The following MPP7 variants were observed in gnomAD, a reference collection of about 807,000 sequenced individuals.
MPP7 encodes the protein MAGUK p55 scaffold protein 7.
A neutral mutation model predicts 76.5 loss-of-function variants in MPP7; 60 were observed. That is an observed-to-expected ratio of 0.78 (90% CI 0.64 to 0.97). The LOEUF is 0.97. Ranked by LOEUF, MPP7 falls within the 50% of genes least tolerant of loss-of-function variation. MPP7 has a pLI of 0.00. For missense variants in MPP7, 641 were observed against 694.0 expected (o/e 0.92, Z 0.86); for synonymous variants, 237 against 244.5 (o/e 0.97, Z 0.29).
chr10:28,054,282 A>G (rs1851466799), intron 16 of MPP7, 38 bp from the exon 17 acceptor site: 1 of 1,255,164 alleles, frequency 8.0e-7, no homozygotes, highest in Non-Finnish European at 1.1e-6. Context: ...TTGGTTAACC[A>G]GGCCATTACC....
chr10:28,315,281 G>C (rs1311182063), intron 2 of MPP7, among the ~76,000 whole-genome samples: 1 of 147,272 alleles, frequency 6.8e-6, no homozygotes, highest in African/African-American at 2.5e-5. Flanking sequence ...AAAGAAGGAG[G>C]GGGGAGGGAG....
intron 11 of MPP7, among the ~76,000 whole-genome samples, chr10:28,117,818 T>C (rs970242032): frequency 9.2e-5 from 14 of 152,134 alleles, no homozygotes; most frequent in African/African-American, 3.1e-4. Flanking sequence ...ATCTGTTATA[T>C]GTTTATGATT....
intron 2 of MPP7, among the ~76,000 whole-genome samples, chr10:28,228,372 G>A (rs1215066794): frequency 6.6e-6 from 1 of 152,154 alleles, no homozygotes; most frequent in Non-Finnish European, 1.5e-5. Context: ...AAAGGATCAT[G>A]ATTTTGGTAC....
At chr10:28,188,978 CAGAG>C (rs148203512) in intron 3 of MPP7, among the ~76,000 whole-genome samples, 4,033 of 149,390 alleles carry the variant, frequency 0.027, 74 homozygotes, top group Middle Eastern at 0.057. Flanking sequence ...GGAAGTTTGT[CAGAG>C]AGAAAGAAAA....
intron 11 of MPP7, among the ~76,000 whole-genome samples, chr10:28,117,872 A>T (rs1423841603): frequency 2.0e-5 from 3 of 152,116 alleles, no homozygotes; most frequent in Non-Finnish European, 2.9e-5. Context: ...AATAAATAAC[A>T]TATATAAAAA....
rs181895853 is a variant in MPP7, at chr10:28,313,627, G to A, written c.-132+16302C>T. ...ATTGACTAAAGAGGTTAATATCCCC[G>A]CAGAGAAGAACGATTTATGAAATTT... On this transcript the variant is annotated intron_variant, in intron 2 of 11. Transcript: ENST00000441595. Among the ~76,000 whole-genome samples, 86 of 152,224 alleles carry A rather than the reference G, an allele frequency of 5.6e-4. No homozygotes were observed. The East Asian group carries it at 9.6e-3, about 17-fold the overall frequency.
At chr10:28,070,876 A>G (rs527580288) in intron 12 of MPP7, among the ~76,000 whole-genome samples, 10 of 152,278 alleles carry the variant, frequency 6.6e-5, no homozygotes, top group South Asian at 6.2e-4. Flanking sequence ...TTAGACAGGC[A>G]TAAGTCCCCC....
intron 4 of MPP7, among the ~76,000 whole-genome samples, chr10:28,149,513 C>T (rs113914422): frequency 0.023 from 3,521 of 152,296 alleles, 114 homozygotes; most frequent in African/African-American, 0.077. Flanking sequence ...TAAATCATTA[C>T]TATGTTTTAT....
At chr10:28,157,249 A>C (rs1836096711) in intron 3 of MPP7, among the ~76,000 whole-genome samples, 1 of 152,108 alleles carries the variant, frequency 6.6e-6, no homozygotes, top group Non-Finnish European at 1.5e-5. Flanking sequence ...AAAGAAAAAG[A>C]GTAACCGTCA....
chr10:28,281,373 G>A (rs1009740777), intron 1 of MPP7, among the ~76,000 whole-genome samples: 1 of 152,070 alleles, frequency 6.6e-6, no homozygotes, highest in Admixed American at 6.6e-5. Context: ...ACAGGCGTGA[G>A]CCACTGCACC....
At position 28,326,750 on chromosome 10, in the gene MPP7, A is replaced by G. The variant is rs553403443; in HGVS notation, c.-132+3179T>C. 5.9e-5 allele frequency among the ~76,000 whole-genome samples: 9 copies of G among 152,348 alleles called. No homozygotes were observed. The East Asian group carries it at 1.7e-3, about 29-fold the overall frequency. On this transcript the variant is annotated intron_variant, in intron 2 of 11. Coordinates refer to the MPP7 transcript ENST00000441595. The stretch of plus-strand genomic sequence containing the variant: ...AACATTCACCTGGCACAACGCTCTC[A>G]ACAGCAAAGCCAAGTGGCAGAAAGT...
chr10:28,199,049 G>A (rs927954293), intron 3 of MPP7, among the ~76,000 whole-genome samples: 3 of 152,118 alleles, frequency 2.0e-5, no homozygotes, highest in Non-Finnish European at 2.9e-5. Context: ...TGGCAGAGGC[G>A]AAAGGCACAT....
chr10:28,092,771 G>C (rs1853380254), intron 11 of MPP7, among the ~76,000 whole-genome samples: 1 of 128,762 alleles, frequency 7.8e-6, no homozygotes, highest in Non-Finnish European at 1.6e-5. Context: ...GAAGAGATAA[G>C]GTTTCGCCAT....
At chr10:28,202,594 T>C (rs1837815240) in intron 2 of MPP7, among the ~76,000 whole-genome samples, 1 of 152,192 alleles carries the variant, frequency 6.6e-6, no homozygotes, top group Non-Finnish European at 1.5e-5. Context: ...TCCTTAATCA[T>C]TATTACATTT....
intron 3 of MPP7, among the ~76,000 whole-genome samples, chr10:28,162,910 G>T (rs1364850938): frequency 6.6e-6 from 1 of 150,714 alleles, no homozygotes; most frequent in Non-Finnish European, 1.5e-5. Flanking sequence ...TTCCATTTTT[G>T]AATCTCCTTC....
chr10:28,135,452 T>C (rs1835325152), intron 5 of MPP7, among the ~76,000 whole-genome samples: 1 of 147,304 alleles, frequency 6.8e-6, no homozygotes, highest in South Asian at 2.1e-4. Context: ...TTGATTGTCT[T>C]AATTTAAAGG....
intron 3 of MPP7, among the ~76,000 whole-genome samples, chr10:28,201,260 G>A (rs1206247796): frequency 6.6e-6 from 1 of 152,082 alleles, no homozygotes; most frequent in Non-Finnish European, 1.5e-5. Context: ...ATTCTGTTCT[G>A]AAAAGCAATT....
intron 13 of MPP7, among the ~76,000 whole-genome samples, chr10:28,068,610 C>T (rs1435404751): frequency 2.6e-5 from 4 of 152,082 alleles, no homozygotes. Flanking sequence ...ATTCTGTGTA[C>T]TGAAAAGAAG....
rs183883495 is a variant in MPP7 at position 28,152,928 on chromosome 10, A to C, written c.157-2869T>G. Among the ~76,000 whole-genome samples the C allele has an allele frequency of 3.7e-3, 532 of 142,234 alleles. 3 individuals are homozygous for C. The highest frequency in any genetic ancestry group is 0.014 in the African/African-American group (514 of 37,166). The allele number at this position is 142,234 out of a possible 152,430, so 93.3% of individuals were successfully genotyped here. On this transcript the variant is annotated intron_variant, in intron 3 of 16. Transcript: ENST00000683449. ...GCAAAACCTCATTTATTTTAACTAC[A>C]CATTTCCCTTTGCAGATTCAAGACA...
Sources: gnomAD v4.1 joint callset for allele counts (sites outside exome capture counted in the v4.1 genomes callset) on GRCh38, gnomAD v4.1.1 for gene constraint, MANE v1.5 for transcripts, NCBI Gene and HGNC (gene_info 2026-07-23, HGNC 2026-07-21) for gene names.